POU2AF1: variants seen among roughly 807,000 people sequenced by gnomAD.
POU2AF1 encodes the protein POU domain class 2-associating factor 1.
In POU2AF1, 12 loss-of-function variants were observed where a neutral mutation model predicts 26.3. That is an observed-to-expected ratio of 0.46 (90% CI 0.29 to 0.74). POU2AF1 has a LOEUF of 0.74. Among genes scored for constraint, POU2AF1 ranks in the 30% least tolerant of loss-of-function variants. The pLI is 0.09. For synonymous variants in POU2AF1, 175 were observed against 148.0 expected (o/e 1.18, Z -1.32); for missense variants, 297 against 334.5 (o/e 0.89, Z 0.87).
chr11:111,365,322 G>T (rs1006073728), intron 1 of POU2AF1, among the ~76,000 whole-genome samples: 2 of 152,214 alleles, frequency 1.3e-5, no homozygotes, highest in Non-Finnish European at 2.9e-5. Flanking sequence ...GTGGTTGTTA[G>T]TATCAAGCCT....
intron 2 of POU2AF1, 139 bp from the exon 3 acceptor site, chr11:111,357,976 G>A (rs935498605): frequency 6.4e-6 from 6 of 942,038 alleles, no homozygotes; most frequent in African/African-American, 3.4e-5. Flanking sequence ...ATCCCACCCC[G>A]TATCCCAACC....
At chr11:111,370,033 T>C (rs1308588511) in intron 1 of POU2AF1, among the ~76,000 whole-genome samples, 1 of 152,232 alleles carries the variant, frequency 6.6e-6, no homozygotes, top group African/African-American at 2.4e-5. Flanking sequence ...TCTTGGAGAA[T>C]GGACTCTTCA....
intron 1 of POU2AF1, among the ~76,000 whole-genome samples, chr11:111,367,607 C>A (rs969869009): frequency 1.1e-5 from 1 of 92,114 alleles, no homozygotes; most frequent in Admixed American, 1.5e-4. Context: ...TTTCTCTGAG[C>A]GACACTGCAG....
intron 1 of POU2AF1, 64 bp from the exon 2 acceptor site, chr11:111,358,982 T>G: frequency 6.5e-7 from 1 of 1,543,688 alleles, no homozygotes; most frequent in Non-Finnish European, 8.7e-7. Flanking sequence ...CCCAAAGTGC[T>G]CATTTCCTCA....
intron 1 of POU2AF1, among the ~76,000 whole-genome samples, chr11:111,378,548 C>A (rs1043816822): frequency 1.3e-5 from 2 of 152,168 alleles, no homozygotes; most frequent in Non-Finnish European, 2.9e-5. Context: ...AAACCCACTG[C>A]ATCCTTTGCA....
intron 1 of POU2AF1, among the ~76,000 whole-genome samples, chr11:111,362,731 G>A (rs1343380584): frequency 6.6e-6 from 1 of 151,956 alleles, no homozygotes; most frequent in Non-Finnish European, 1.5e-5. Flanking sequence ...GAGGCATTGT[G>A]TACTCAAGAG....
chr11:111,367,858 G>T (rs983259169), intron 1 of POU2AF1, among the ~76,000 whole-genome samples: 1 of 152,168 alleles, frequency 6.6e-6, no homozygotes, highest in African/African-American at 2.4e-5. Context: ...GGTATTTTTC[G>T]ACTGAAATGA....
intron 4 of POU2AF1, 149 bp from the exon 5 acceptor site, chr11:111,354,724 G>A: frequency 1.4e-6 from 1 of 732,172 alleles, no homozygotes; most frequent in Admixed American, 3.7e-5. Flanking sequence ...CCTGCTCAAA[G>A]TCTTCCCCAA....
chr11:111,363,946 C>T, intron 1 of POU2AF1: 1 of 985,376 alleles, frequency 1.0e-6, no homozygotes, highest in Non-Finnish European at 1.2e-6. Flanking sequence ...TTGGAGATCT[C>T]CTTTTTCGGG....
At chr11:111,357,284 A>G (rs532918470) in intron 4 of POU2AF1, among the ~76,000 whole-genome samples, 161 bp downstream of exon 4, 1 of 152,316 alleles carries the variant, frequency 6.6e-6, no homozygotes, top group East Asian at 1.9e-4. Context: ...ATCTCAGGAA[A>G]TGAGAATCAG....
At chr11:111,367,162 T>C (rs1309684633) in intron 1 of POU2AF1, among the ~76,000 whole-genome samples, 2 of 152,022 alleles carry the variant, frequency 1.3e-5, no homozygotes, top group Admixed American at 6.6e-5. Context: ...CCCGGCACTC[T>C]CCGCACCTTC....
intron 1 of POU2AF1, among the ~76,000 whole-genome samples, chr11:111,372,812 T>C (rs949012191): frequency 2.6e-5 from 4 of 152,158 alleles, no homozygotes; most frequent in African/African-American, 9.7e-5. Flanking sequence ...TAGATAGAAA[T>C]GGCATCAGAT....
intron 1 of POU2AF1, among the ~76,000 whole-genome samples, chr11:111,378,699 A>C (rs1023413773): frequency 1.2e-4 from 19 of 152,268 alleles, no homozygotes; most frequent in African/African-American, 4.6e-4. Context: ...CCTGGCAGAA[A>C]GCTAAGTCAC....
chr11:111,361,218 AC>A (rs1273899145), intron 1 of POU2AF1, among the ~76,000 whole-genome samples: 1 of 152,142 alleles, frequency 6.6e-6, no homozygotes, highest in East Asian at 1.9e-4. Flanking sequence ...AAGACAAGCA[AC>A]AAAAGTTACC....
At chr11:111,378,824 T>C (rs1591210054) in intron 1 of POU2AF1, among the ~76,000 whole-genome samples, 1 of 152,212 alleles carries the variant, frequency 6.6e-6, no homozygotes, top group Admixed American at 6.5e-5. Context: ...CCCAAACCCA[T>C]CCCACATCTG....
chr11:111,354,697 A>T (rs1758303990), intron 4 of POU2AF1, 122 bp from the exon 5 acceptor site: 5 of 883,702 alleles, frequency 5.7e-6, no homozygotes, highest in Non-Finnish European at 8.0e-6. Context: ...TTCTCACTTC[A>T]TGGGGCTCCA....
chr11:111,354,297 A>G lies in POU2AF1; in HGVS notation c.735T>C (p.Tyr245=). 6.2e-7 allele frequency: 1 copy of G among 1,614,238 alleles called. No individual in the cohort carries two copies. Among genetic ancestry groups the G allele is most frequent in the South Asian group, 1.1e-5 (1 of 91,082 alleles). ...LLLEEEDSDA[Y]ALNHTLSVEG... Reference sequence around the variant, plus strand: ...CCACAGAGAGAGTGTGGTTAAGCGCATAGGCGTCGCTATCCTCTTCCTCCA... The same window carrying G: ...CCACAGAGAGAGTGTGGTTAAGCGCGTAGGCGTCGCTATCCTCTTCCTCCA... The change falls in exon 5 of 5, where the codon TAT becomes TAC. Residue 245 remains tyrosine (Y), a synonymous_variant. Coordinates refer to ENST00000393067, the MANE Select transcript of POU2AF1 (RefSeq NM_006235.3).
intron 1 of POU2AF1, among the ~76,000 whole-genome samples, chr11:111,365,104 T>C (rs1274914466): frequency 6.6e-6 from 1 of 152,236 alleles, no homozygotes; most frequent in Non-Finnish European, 1.5e-5. Context: ...GCATTAGTTT[T>C]GTATTTGGGG....
At chr11:111,371,028 T>C (rs574294700) in intron 1 of POU2AF1, among the ~76,000 whole-genome samples, 274 of 152,342 alleles carry the variant, frequency 1.8e-3, no homozygotes, top group Middle Eastern at 6.8e-3. Flanking sequence ...GTACCTTTCA[T>C]CCAACATTAA....
Sources: gnomAD v4.1 joint callset for allele counts (sites outside exome capture counted in the v4.1 genomes callset) on GRCh38, gnomAD v4.1.1 for gene constraint, MANE v1.5 for transcripts, NCBI Gene and HGNC (gene_info 2026-07-23, HGNC 2026-07-21) for gene names.